The following SYN3 variants were observed in gnomAD, a reference collection of about 807,000 sequenced individuals.
SYN3 encodes the protein synapsin-3.
A neutral mutation model predicts 65.8 loss-of-function variants in SYN3; 35 were observed. The ratio of observed to expected loss-of-function variants is 0.53; its 90% CI spans 0.41 to 0.70. The LOEUF is 0.70. SYN3 is among the 30% of genes least tolerant of loss of function. The probability of loss-of-function intolerance (pLI) is 0.00; values close to 1 mark genes in which losing one functional copy is unlikely to be tolerated. For missense variants in SYN3, 680 were observed against 749.0 expected, an observed-to-expected ratio of 0.91 and a Z score of 1.08; for synonymous variants, 270 against 292.9, an observed-to-expected ratio of 0.92 and a Z score of 0.80.
rs2053200841 is a variant in SYN3 at position 33,006,505 on chromosome 22, G to A, written c.158C>T (p.Ser53Phe). The A allele has an allele frequency of 1.2e-6, 2 of 1,614,196 alleles. No homozygotes were observed. The highest frequency in any genetic ancestry group is 1.7e-6 in the Non-Finnish European group (2 of 1,180,034). The change falls in exon 2 of 14, where the codon TCC (serine) becomes TTC (phenylalanine). Residue 53 changes from serine (S) to phenylalanine (F), a missense_variant. By Grantham distance (155) the Ser-to-Phe change is radical. Transcript: ENST00000358763. ...RHPQPLAASF[S>F]SPGSSLFSSL... is the part of the protein sequence containing the mutation. ...GCTAAAAAGGCTGGATCCTGGAGAG[G>A]AGAAGGAGGCAGCCAGGGGCTGGGG...
At position 32,833,567 on chromosome 22, in the gene SYN3, C is replaced by T. The variant is rs1057391319; in HGVS notation, c.711+31348G>A. On this transcript the variant is annotated intron_variant, in intron 6 of 13. Transcript: ENST00000358763. Reference sequence around the variant, plus strand: ...GAGTGACCCTGAAGGTCCCACCCAACCTAAAGTCTGTGGCCTGTGAAATGT... The same window carrying T: ...GAGTGACCCTGAAGGTCCCACCCAATCTAAAGTCTGTGGCCTGTGAAATGT... Among the ~76,000 whole-genome samples, 4 of 152,174 alleles carry T rather than the reference C, an allele frequency of 2.6e-5. No homozygotes were observed. The East Asian group carries it at 7.7e-4, about 29-fold the overall frequency.
intron 4 of SYN3, among the ~76,000 whole-genome samples, chr22:32,891,572 G>A (rs2049447105): frequency 6.6e-6 from 1 of 152,278 alleles, no homozygotes; most frequent in East Asian, 1.9e-4. Context: ...AAACCAATGA[G>A]CTTGCCATCC....
chr22:32,812,159 G>T (rs1417047801), intron 6 of SYN3, among the ~76,000 whole-genome samples: 1 of 152,204 alleles, frequency 6.6e-6, no homozygotes, highest in East Asian at 1.9e-4. Context: ...TTCACTGAAT[G>T]CCTACTATGG....
At chr22:32,857,915 C>T (rs943270058) in intron 6 of SYN3, 2 of 1,574,350 alleles carry the variant, frequency 1.3e-6, no homozygotes, top group Admixed American at 3.3e-5. Flanking sequence ...AAGTACCCAG[C>T]CACAGTGCCT....
intron 2 of SYN3, among the ~76,000 whole-genome samples, chr22:32,981,311 C>T (rs556275224): frequency 6.6e-5 from 10 of 151,222 alleles, no homozygotes; most frequent in African/African-American, 1.9e-4. Flanking sequence ...ACAGGCCGGG[C>T]GCTGTGGCTC....
At chr22:32,663,444 A>G (rs978281705) in intron 6 of SYN3, among the ~76,000 whole-genome samples, 41 of 151,624 alleles carry the variant, frequency 2.7e-4, no homozygotes, top group Admixed American at 1.8e-3. Flanking sequence ...GAGTATAGGC[A>G]CCCACCACCA....
intron 3 of SYN3, among the ~76,000 whole-genome samples, chr22:32,934,832 C>T (rs2050727996): frequency 6.6e-6 from 1 of 152,058 alleles, no homozygotes; most frequent in African/African-American, 2.4e-5. Flanking sequence ...GGGGGAGGCA[C>T]ACTAAATCCA....
intron 6 of SYN3, among the ~76,000 whole-genome samples, chr22:32,630,689 TAATC>T (rs2059735752): frequency 6.6e-6 from 1 of 152,232 alleles, no homozygotes; most frequent in Non-Finnish European, 1.5e-5. Context: ...GACCAACACT[TAATC>T]AAGACATAGG....
intron 6 of SYN3, among the ~76,000 whole-genome samples, chr22:32,639,436 A>G (rs1555913409): frequency 6.6e-6 from 1 of 152,158 alleles, no homozygotes; most frequent in Non-Finnish European, 1.5e-5. Flanking sequence ...TGAGTTCTCT[A>G]TTCTGTTCCA....
intron 6 of SYN3, among the ~76,000 whole-genome samples, chr22:32,643,198 C>G (rs889970394): frequency 1.3e-5 from 2 of 152,026 alleles, no homozygotes. Context: ...CTGCCTCAGC[C>G]CCTCCTGAGT....
chr22:32,930,640 C>G (rs577803557), intron 4 of SYN3, among the ~76,000 whole-genome samples: 4 of 152,216 alleles, frequency 2.6e-5, no homozygotes, highest in African/African-American at 7.2e-5. Context: ...CAAATGTTAC[C>G]TTTTCCTCAA....
At chr22:32,634,040 G>A (rs7511209) in intron 6 of SYN3, among the ~76,000 whole-genome samples, 14,079 of 152,204 alleles carry the variant, frequency 0.093, 1,455 homozygotes, top group African/African-American at 0.25. Flanking sequence ...CTCTTGGAGG[G>A]AAGTTGTAAG....
chr22:32,976,767 T>C (rs2052202570), intron 3 of SYN3, among the ~76,000 whole-genome samples: 1 of 152,016 alleles, frequency 6.6e-6, no homozygotes, highest in Admixed American at 6.5e-5. Context: ...AGGCAAGCAG[T>C]TTTTAGACTG....
At chr22:32,932,267 T>C (rs1229365333) in intron 3 of SYN3, among the ~76,000 whole-genome samples, 2 of 137,556 alleles carry the variant, frequency 1.5e-5, no homozygotes, top group African/African-American at 5.3e-5. Context: ...TTTTCTTCTC[T>C]TGGTAATGGC....
Position 33,048,342 on chromosome 22 carries a change from T to A in SYN3, c.-163+9950A>T, listed in dbSNP as rs571696521. The stretch of plus-strand genomic sequence containing the variant: ...AGCATGAGGGTATGGCAACACTGCA[T>A]CTTATTCATTCTTTAGGTTCTAAAC... On this transcript the variant is annotated intron_variant, in intron 1 of 13. Transcript: ENST00000358763. Among the ~76,000 whole-genome samples the A allele has an allele frequency of 3.0e-3, 464 of 152,312 alleles. 4 individuals carry two copies. Among genetic ancestry groups the A allele is most frequent in the African/African-American group, 0.011 (445 of 41,562 alleles).
intron 6 of SYN3, among the ~76,000 whole-genome samples, chr22:32,773,417 A>T (rs1417204189): frequency 1.3e-5 from 2 of 150,450 alleles, no homozygotes; most frequent in African/African-American, 4.9e-5. Flanking sequence ...AAAAAAAAAA[A>T]AAAAAAAAAA....
intron 4 of SYN3, among the ~76,000 whole-genome samples, chr22:32,913,112 T>C (rs1480526097): frequency 2.0e-5 from 3 of 152,034 alleles, no homozygotes; most frequent in Non-Finnish European, 4.4e-5. Flanking sequence ...CTGTACTTTC[T>C]GTACAATTTT....
chr22:32,867,199 T>C (rs138889992), intron 5 of SYN3, among the ~76,000 whole-genome samples: 12 of 152,334 alleles, frequency 7.9e-5, no homozygotes, highest in East Asian at 1.9e-4. Flanking sequence ...ATGAGCTTCA[T>C]AGAGCACTTT....
chr22:32,525,673 A>T (rs1006940710), intron 12 of SYN3, among the ~76,000 whole-genome samples: 2 of 151,228 alleles, frequency 1.3e-5, no homozygotes, highest in Non-Finnish European at 2.9e-5. Context: ...ATCACGCCAT[A>T]GCACTCCAGC....
Sources: allele counts gnomAD v4.1 joint callset (sites outside exome capture counted in the v4.1 genomes callset), GRCh38; gene constraint gnomAD v4.1.1; transcripts MANE v1.5; gene names NCBI Gene and HGNC (gene_info 2026-07-23, HGNC 2026-07-21).